PDE6D: variants seen among roughly 807,000 people sequenced by gnomAD.
PDE6D encodes phosphodiesterase 6D.
A neutral mutation model predicts 21.9 loss-of-function variants in PDE6D; 10 were observed. The ratio of observed to expected loss-of-function variants is 0.46; its 90% CI spans 0.28 to 0.78. The LOEUF (loss-of-function observed/expected upper bound fraction) is 0.78. Among genes scored for constraint, PDE6D ranks in the 30% least tolerant of loss-of-function variants. PDE6D has a pLI of 0.12. For synonymous variants in PDE6D, 59 were observed against 63.5 expected, an observed-to-expected ratio of 0.93 and a Z score of 0.34; for missense variants, 139 against 184.8, an observed-to-expected ratio of 0.75 and a Z score of 1.44.
At chr2:231,775,563 TCCACCCACC>T (rs2049049547) in intron 1 of PDE6D, among the ~76,000 whole-genome samples, 1 of 145,538 alleles carries the variant, frequency 6.9e-6, no homozygotes, top group Non-Finnish European at 1.5e-5. Context: ...GCTCAAGCAA[TCCACCCACC>T]TTGGCCTCCC....
In PDE6D at chr2:231,781,241, A is replaced by C. The variant is rs2049122726; in HGVS notation, c.-127T>G. On this transcript the variant is annotated 5_prime_UTR_variant, in exon 1 of 5. Coordinates refer to ENST00000287600, the MANE Select transcript of PDE6D (RefSeq NM_002601.4). ...TCGGGCTAGCAGCCGCAGCGGCCAG[A>C]CCAGGACCGGCCTCTCTCTCCCCTC... The C allele has an allele frequency of 4.8e-6, 4 of 828,648 alleles. No homozygotes were observed. Among genetic ancestry groups the C allele is most frequent in the Non-Finnish European group, 7.9e-6 (4 of 506,426 alleles). The allele number at this position is 828,648 out of a possible 1,614,324, so 51.3% of individuals were successfully genotyped here.
chr2:231,749,912 T>C (rs537199749), intron 1 of PDE6D, among the ~76,000 whole-genome samples: 1 of 152,198 alleles, frequency 6.6e-6, no homozygotes, highest in South Asian at 2.1e-4. Context: ...TGGAAAGGCA[T>C]GACTGGTTTT....
intron 4 of PDE6D, among the ~76,000 whole-genome samples, chr2:231,735,955 G>A (rs995076688): frequency 6.6e-6 from 1 of 151,764 alleles, no homozygotes; most frequent in African/African-American, 2.4e-5. Context: ...TTGAACCTGG[G>A]AGGCGGAGCT....
At chr2:231,757,973 A>T (rs1470931790) in intron 1 of PDE6D, among the ~76,000 whole-genome samples, 2 of 152,112 alleles carry the variant, frequency 1.3e-5, no homozygotes, top group Non-Finnish European at 2.9e-5. Flanking sequence ...AAAACAAAGG[A>T]CAAAAAAGAA....
At chr2:231,763,811 T>G (rs2048950325) in intron 1 of PDE6D, among the ~76,000 whole-genome samples, 1 of 151,558 alleles carries the variant, frequency 6.6e-6, no homozygotes. Context: ...AATTTTTAAT[T>G]TTTGTTGTTG....
intron 1 of PDE6D, among the ~76,000 whole-genome samples, chr2:231,775,032 C>T (rs1198800152): frequency 1.3e-5 from 2 of 152,026 alleles, no homozygotes; most frequent in African/African-American, 4.8e-5. Context: ...CCTGCCTCTG[C>T]CTCTTGAGCA....
At chr2:231,740,543 T>C (rs1448560028) in intron 1 of PDE6D, among the ~76,000 whole-genome samples, 2 of 151,666 alleles carry the variant, frequency 1.3e-5, no homozygotes, top group East Asian at 3.9e-4. Flanking sequence ...TAACAAGTCA[T>C]GGTGGTGCAT....
At chr2:231,740,559 T>C (rs1241285772) in intron 1 of PDE6D, among the ~76,000 whole-genome samples, 1 of 151,506 alleles carries the variant, frequency 6.6e-6, no homozygotes, top group African/African-American at 2.4e-5. Context: ...TGCATGCCTG[T>C]GGTCCCAGCT....
At chr2:231,742,512 G>A (rs1046218493) in intron 1 of PDE6D, among the ~76,000 whole-genome samples, 8 of 151,622 alleles carry the variant, frequency 5.3e-5, no homozygotes, top group African/African-American at 1.9e-4. Context: ...TTTTTGTTTT[G>A]TTTTAAAAAA....
At chr2:231,743,124 T>C (rs2048763221) in intron 1 of PDE6D, among the ~76,000 whole-genome samples, 1 of 152,062 alleles carries the variant, frequency 6.6e-6, no homozygotes, top group South Asian at 2.1e-4. Context: ...TAGGTTTTGC[T>C]GCTATACGAG....
intron 1 of PDE6D, among the ~76,000 whole-genome samples, chr2:231,763,662 GTCTCAC>G (rs966390815): frequency 4.1e-5 from 6 of 147,948 alleles, no homozygotes; most frequent in Non-Finnish European, 7.4e-5. Flanking sequence ...TAGAGACAGG[GTCTCAC>G]TCTGTTGCCC....
chr2:231,761,990 T>C (rs1001469716), intron 1 of PDE6D, among the ~76,000 whole-genome samples: 2 of 152,172 alleles, frequency 1.3e-5, no homozygotes, highest in African/African-American at 4.8e-5. Context: ...CTGAGGGAAC[T>C]GATGACAGGG....
intron 4 of PDE6D, 60 bp downstream of exon 4, chr2:231,737,127 C>A (rs999994792): frequency 1.8e-5 from 17 of 963,894 alleles, no homozygotes; most frequent in Non-Finnish European, 2.8e-5. Context: ...AGGAGTCCCA[C>A]CTGCCTGGAA....
intron 1 of PDE6D, among the ~76,000 whole-genome samples, chr2:231,752,470 A>G (rs917827049): frequency 2.0e-5 from 3 of 152,240 alleles, no homozygotes; most frequent in African/African-American, 7.2e-5. Flanking sequence ...ATTATGCCAT[A>G]ATTCTTCAGG....
At chr2:231,768,136 T>C (rs954868506) in intron 1 of PDE6D, among the ~76,000 whole-genome samples, 5 of 152,064 alleles carry the variant, frequency 3.3e-5, no homozygotes, top group African/African-American at 4.8e-5. Flanking sequence ...TGAGCCACTG[T>C]ATCTGCCACT....
At chr2:231,747,552 C>T (rs540814799) in intron 1 of PDE6D, among the ~76,000 whole-genome samples, 1 of 152,198 alleles carries the variant, frequency 6.6e-6, no homozygotes, top group Non-Finnish European at 1.5e-5. Context: ...ATCTAGCATT[C>T]TGACTGGTTT....
chr2:231,773,687 A>C (rs2049031924), intron 1 of PDE6D, among the ~76,000 whole-genome samples: 1 of 152,186 alleles, frequency 6.6e-6, no homozygotes, highest in East Asian at 1.9e-4. Context: ...TAAGAAAACA[A>C]GTGAAAGATG....
rs576906317 is a variant in PDE6D at position 231,771,794 on chromosome 2, A to G, written c.50+9271T>C. ...TTTTTGCCGATTTTAGGTGTAGAAC[A>G]TATCTCAATATAAACATTTGCCAAA... On this transcript the variant is annotated intron_variant, in intron 1 of 4. Transcript: ENST00000287600. 5.4e-4 allele frequency among the ~76,000 whole-genome samples: 83 copies of G among 152,334 alleles called. 1 individual carries two copies. The highest frequency in any genetic ancestry group is 1.1e-3 in the Non-Finnish European group (72 of 68,028).
intron 1 of PDE6D, among the ~76,000 whole-genome samples, chr2:231,770,709 T>A (rs921219034): frequency 1.3e-5 from 2 of 151,982 alleles, no homozygotes; most frequent in Admixed American, 1.3e-4. Flanking sequence ...TCCCAGCACT[T>A]TGGGAAGCTG....
Sources: allele counts gnomAD v4.1 joint callset (sites outside exome capture counted in the v4.1 genomes callset), GRCh38; gene constraint gnomAD v4.1.1; transcripts MANE v1.5; gene names NCBI Gene and HGNC (gene_info 2026-07-23, HGNC 2026-07-21).